AZIN1: variants seen among roughly 807,000 people sequenced by gnomAD.
AZIN1 encodes the protein antizyme inhibitor 1, also known as ornithine decarboxylase antizyme inhibitor.
In AZIN1, 12 loss-of-function variants were observed where a neutral mutation model predicts 47.4. The observed-to-expected ratio is 0.25, with a 90% CI of 0.16 to 0.41. The LOEUF (loss-of-function observed/expected upper bound fraction) is 0.41. Among genes scored for constraint, AZIN1 ranks in the 10% least tolerant of loss-of-function variants. AZIN1 has a pLI of 1.00. For synonymous variants in AZIN1, 155 were observed against 176.3 expected (o/e 0.88, Z 0.96); for missense variants, 410 against 532.4 (o/e 0.77, Z 2.26).
chr8:102,862,583 G>A (rs1166310290), intron 1 of AZIN1, among the ~76,000 whole-genome samples: 1 of 152,144 alleles, frequency 6.6e-6, no homozygotes, highest in Non-Finnish European at 1.5e-5. Flanking sequence ...AGACAATCAT[G>A]AGCCATGTTT....
At chr8:102,850,737 A>C (rs901420699) in intron 2 of AZIN1, among the ~76,000 whole-genome samples, 1 of 152,212 alleles carries the variant, frequency 6.6e-6, no homozygotes, top group Non-Finnish European at 1.5e-5. Context: ...ATCACAATGC[A>C]TACCCCTAAA....
chr8:102,844,073 T>C (rs1205758178), intron 2 of AZIN1, among the ~76,000 whole-genome samples: 3 of 152,232 alleles, frequency 2.0e-5, no homozygotes, highest in Non-Finnish European at 4.4e-5. Flanking sequence ...ATAACACACA[T>C]AATTTTACCC....
At chr8:102,839,996 A>G (rs147651309) in intron 3 of AZIN1, among the ~76,000 whole-genome samples, 173 bp from the exon 4 acceptor site, 11 of 152,278 alleles carry the variant, frequency 7.2e-5, no homozygotes, top group African/African-American at 2.6e-4. Flanking sequence ...ATTAAAAGAG[A>G]CTCTGAATAC....
At chr8:102,835,477 G>A (rs1010865948) in intron 6 of AZIN1, 16 of 152,144 alleles carry the variant, frequency 1.1e-4, no homozygotes, top group African/African-American at 2.7e-4. Flanking sequence ...TATGTACAAA[G>A]TAGTATAGAA....
chr8:102,853,733 G>C lies in AZIN1; in HGVS notation c.-96+4280C>G, dbSNP rs79688900. ...TATGCCAAGGGGATATACAGACTGT[G>C]TATTTCAACGATAGTGGTTTTACTC... is the stretch of plus-strand genomic sequence containing the variant. On this transcript the variant is annotated intron_variant, in intron 2 of 11. Coordinates refer to ENST00000337198, the MANE Select transcript of AZIN1 (RefSeq NM_148174.4). Among the ~76,000 whole-genome samples the C allele has an allele frequency of 1.2e-4, 18 of 152,180 alleles. No homozygotes were observed. The East Asian group carries it at 3.5e-3, about 29-fold the overall frequency.
intron 1 of AZIN1, among the ~76,000 whole-genome samples, chr8:102,863,383 G>GT (rs1358473699): frequency 4.0e-5 from 6 of 151,120 alleles, no homozygotes; most frequent in Non-Finnish European, 7.4e-5. Context: ...GCACCGCGGA[G>GT]TAGGGGCTGC....
rs186563765 is a variant in AZIN1, at chr8:102,846,193, T to C, written c.-95-2446A>G. The stretch of plus-strand genomic sequence containing the variant: ...GATAAACCTCCATTTCCTACAACCA[T>C]AGTGTTCTTAGGAAGGGTAATTTTC... On this transcript the variant is annotated intron_variant, in intron 2 of 11. Coordinates refer to ENST00000337198, the MANE Select transcript of AZIN1 (RefSeq NM_148174.4). Among the ~76,000 whole-genome samples the C allele has an allele frequency of 2.8e-3, 410 of 148,236 alleles. 1 individual carries two copies. Among genetic ancestry groups the C allele is most frequent in the African/African-American group, 0.01 (391 of 38,382 alleles).
rs184518812 is a variant in AZIN1, at chr8:102,838,700, C to G, written c.449+44G>C. On this transcript the variant is annotated intron_variant, in intron 5 of 11. Transcript: ENST00000337198. Reference sequence around the variant, plus strand: ...CCAGACAAAAGACAAACCCAACCCTCTAAGTGCTAAATAATATTTTCAAGT... The same window carrying G: ...CCAGACAAAAGACAAACCCAACCCTGTAAGTGCTAAATAATATTTTCAAGT... 66 of 1,524,610 alleles carry G rather than the reference C, an allele frequency of 4.3e-5. No homozygotes were observed. The Admixed American group carries it at 1.0e-3, about 24-fold the overall frequency. 94.4% of individuals were successfully genotyped at this position (1,524,610 alleles called of 1,614,324 possible).
In AZIN1 at chr8:102,828,816, A is replaced by C. The variant is rs1416636612; in HGVS notation, c.1236-138T>G. On this transcript the variant is annotated intron_variant, in intron 11 of 11. Coordinates refer to ENST00000337198, the MANE Select transcript of AZIN1 (RefSeq NM_148174.4). ...AGATCATCATTTTTCTATGATAGTC[A>C]TGCACTGCAGAGTGATGTTTTGGTC... 7 of 606,858 alleles carry C rather than the reference A, an allele frequency of 1.2e-5. 1 individual carries two copies. Among genetic ancestry groups the C allele is most frequent in the Admixed American group, 1.1e-4 (4 of 35,018 alleles). The allele number at this position is 606,858 out of a possible 1,614,324, so 37.6% of individuals were successfully genotyped here.
rs1327149249 is a variant in AZIN1 at position 102,827,569 on chromosome 8, T to C, written c.*998A>G. Reference sequence around the variant, plus strand: ...ATAAAGATGTAGCCCTTCTTTAAGTTTTAGTGCTCTGCAGTTTTCTGCAAT... The same window carrying C: ...ATAAAGATGTAGCCCTTCTTTAAGTCTTAGTGCTCTGCAGTTTTCTGCAAT... On this transcript the variant is annotated 3_prime_UTR_variant, in exon 12 of 12. Transcript: ENST00000337198. 6.6e-6 allele frequency: 1 copy of C among 152,204 alleles called. No homozygotes were observed. The highest frequency in any genetic ancestry group is 1.5e-5 in the Non-Finnish European group (1 of 68,022). The allele number at this position is 152,204 out of a possible 1,614,324, so 9.4% of individuals were successfully genotyped here.
intron 2 of AZIN1, among the ~76,000 whole-genome samples, chr8:102,853,729 C>T (rs1037958167): frequency 1.3e-5 from 2 of 152,100 alleles, no homozygotes; most frequent in Non-Finnish European, 2.9e-5. Context: ...GATATACAGA[C>T]TGTGTATTTC....
Position 102,828,494 on chromosome 8 carries a change from T to C in AZIN1, c.*73A>G. The C allele has an allele frequency of 3.1e-6, 3 of 977,030 alleles. No homozygotes were observed. In the South Asian group the frequency reaches 5.2e-5, roughly 17 times the overall value. The allele number at this position is 977,030 out of a possible 1,614,324, so 60.5% of individuals were successfully genotyped here. On this transcript the variant is annotated 3_prime_UTR_variant, in exon 12 of 12. Coordinates refer to ENST00000337198, the MANE Select transcript of AZIN1 (RefSeq NM_148174.4). The stretch of plus-strand genomic sequence containing the variant: ...TAAGAGAATAAGATTGTTTAAATTA[T>C]TTTTCCACACTGGAATGTTGACCAG...
At chr8:102,830,845 G>A (rs1811409142) in intron 9 of AZIN1, among the ~76,000 whole-genome samples, 1 of 152,144 alleles carries the variant, frequency 6.6e-6, no homozygotes, top group Non-Finnish European at 1.5e-5. Flanking sequence ...CTGCCAGTGG[G>A]AATCTGTGTG....
chr8:102,843,722 T>C lies in AZIN1; in HGVS notation c.-70A>G, dbSNP rs1270736207. The C allele has an allele frequency of 6.3e-7, 1 of 1,589,994 alleles. No homozygotes were observed. The highest frequency in any genetic ancestry group is 2.3e-5 in the East Asian group (1 of 44,434). ...CAAGAGACGGGCCACCAAGCCTATG[T>C]CTGGGTCCTTAGAATATGCAACAAA... On this transcript the variant is annotated 5_prime_UTR_variant, in exon 3 of 12. Coordinates refer to ENST00000337198, the MANE Select transcript of AZIN1 (RefSeq NM_148174.4).
intron 10 of AZIN1, 98 bp from the exon 11 acceptor site, chr8:102,829,584 C>T: frequency 8.3e-7 from 1 of 1,205,860 alleles, no homozygotes; most frequent in African/African-American, 1.5e-5. Context: ...ATCCAATGTG[C>T]TCATGGAAAA....
chr8:102,845,515 A>T (rs1812514532), intron 2 of AZIN1, among the ~76,000 whole-genome samples: 1 of 152,216 alleles, frequency 6.6e-6, no homozygotes, highest in African/African-American at 2.4e-5. Flanking sequence ...GACTGTTATA[A>T]CAGGACTGCT....
At chr8:102,841,729 A>G (rs148510174) in intron 3 of AZIN1, among the ~76,000 whole-genome samples, 4,383 of 151,662 alleles carry the variant, frequency 0.029, 76 homozygotes, top group East Asian at 0.05. Flanking sequence ...ACAATTATCT[A>G]ACAAGTTTGG....
chr8:102,830,696 A>G (rs915702615), intron 9 of AZIN1, among the ~76,000 whole-genome samples: 1 of 151,102 alleles, frequency 6.6e-6, no homozygotes. Flanking sequence ...AGTGCTCTAC[A>G]TCGTTAGTCA....
chr8:102,838,483 A>T (rs1363368987), intron 5 of AZIN1, among the ~76,000 whole-genome samples: 2 of 152,188 alleles, frequency 1.3e-5, no homozygotes, highest in African/African-American at 4.8e-5. Context: ...TTATCACACC[A>T]ACTATCAAGG....
Sources: allele counts gnomAD v4.1 joint callset (sites outside exome capture counted in the v4.1 genomes callset), GRCh38; gene constraint gnomAD v4.1.1; transcripts MANE v1.5; gene names NCBI Gene and HGNC (gene_info 2026-07-23, HGNC 2026-07-21).